ARID3B: variants seen among roughly 807,000 people sequenced by gnomAD.
ARID3B encodes the protein AT-rich interactive domain-containing protein 3B.
Under a neutral mutation model 51.9 loss-of-function variants are expected in ARID3B, and 10 were observed. The observed-to-expected ratio is 0.19, with a 90% CI of 0.12 to 0.33. The LOEUF is 0.33. ARID3B is among the 10% of genes least tolerant of loss of function. The pLI, the probability that ARID3B is intolerant of heterozygous loss-of-function variation, is 1.00. For missense variants in ARID3B, 483 were observed against 716.3 expected (o/e 0.67, Z 3.72); for synonymous variants, 205 against 279.5 (o/e 0.73, Z 2.66).
At chr15:74,594,568 G>C (rs1053887638) in intron 8 of ARID3B, among the ~76,000 whole-genome samples, 1 of 152,238 alleles carries the variant, frequency 6.6e-6, no homozygotes, top group Non-Finnish European at 1.5e-5. Context: ...AAGGTGTCTC[G>C]TGGAGACAGG....
chr15:74,541,597 CG>C (rs986812147), intron 1 of ARID3B, among the ~76,000 whole-genome samples: 3 of 141,910 alleles, frequency 2.1e-5, no homozygotes, highest in African/African-American at 8.0e-5. Context: ...ATAGGTGGGG[CG>C]GGGGCCATCG....
chr15:74,596,366 C>T lies in ARID3B; in HGVS notation c.*592C>T, dbSNP rs1057021194. On this transcript the variant is annotated 3_prime_UTR_variant, in exon 9 of 9. Coordinates refer to ENST00000346246, the MANE Select transcript of ARID3B (RefSeq NM_006465.4). Reference sequence around the variant, plus strand: ...AATCAGTCCTCAGGGCCCCAGATCCCCCTTCTAATAGTCTGAAGGAAGAGG... The same window carrying T: ...AATCAGTCCTCAGGGCCCCAGATCCTCCTTCTAATAGTCTGAAGGAAGAGG... 1 of 233,498 alleles carries T rather than the reference C, an allele frequency of 4.3e-6. No individual in the cohort carries two copies. Among genetic ancestry groups the T allele is most frequent in the Non-Finnish European group, 8.5e-6 (1 of 118,024 alleles). The allele number at this position is 233,498 out of a possible 1,614,324, so 14.5% of individuals were successfully genotyped here. A position where few individuals can be genotyped will look rare whatever the true frequency, so the allele number is the denominator to read the frequency against.
chr15:74,547,922 C>A (rs951601990), intron 2 of ARID3B, among the ~76,000 whole-genome samples: 1 of 152,220 alleles, frequency 6.6e-6, no homozygotes, highest in Non-Finnish European at 1.5e-5. Flanking sequence ...AGAGATTATT[C>A]TTTGCATCTG....
In ARID3B at chr15:74,544,357, C is replaced by A; in HGVS notation, c.421C>A (p.Leu141Ile). ...DPRVAPMSNL[L>I]PAPGLPPHGQ... ...CAGAGTGGCACCCATGTCCAATCTA[C>A]TTCCAGCACCAGGGCTCCCACCACA... is the stretch of plus-strand genomic sequence containing the variant. The change falls in exon 2 of 9, where the codon CTT becomes ATT. Residue 141 changes from leucine (L) to isoleucine (I), a missense_variant. By Grantham distance (5) the Leu-to-Ile change is conservative. Transcript: ENST00000346246. The A allele has an allele frequency of 6.2e-7, 1 of 1,612,756 alleles. No homozygotes were observed. The highest frequency in any genetic ancestry group is 1.7e-4 in the Middle Eastern group (1 of 6,058).
chr15:74,595,494 C>G, intron 8 of ARID3B, 117 bp from the exon 9 acceptor site: 4 of 1,159,710 alleles, frequency 3.4e-6, no homozygotes, highest in Non-Finnish European at 4.8e-6. Context: ...CCCCCTAGCA[C>G]AGTGTCTACA....
intron 4 of ARID3B, among the ~76,000 whole-genome samples, chr15:74,579,888 C>T (rs928333145): frequency 6.6e-6 from 1 of 151,086 alleles, no homozygotes; most frequent in Non-Finnish European, 1.5e-5. Flanking sequence ...CGCGCGCACA[C>T]GCAAAAAATA....
At chr15:74,573,572 G>GAGAAAGGTAAGTGAA in intron 4 of ARID3B, 1 of 254,090 alleles carries the variant, frequency 3.9e-6, no homozygotes, top group South Asian at 5.9e-5. Context: ...TAGTCTCATG[G>GAGAAAGGTAAGTGAA]AGAAAGGTAA....
intron 5 of ARID3B, among the ~76,000 whole-genome samples, chr15:74,590,920 C>A (rs912554843): frequency 3.3e-5 from 5 of 152,216 alleles, no homozygotes; most frequent in African/African-American, 1.2e-4. Flanking sequence ...TTTATTTCCC[C>A]TAATGAATGG....
rs1422964956 is a variant in ARID3B, at chr15:74,589,420, G to A, written c.698-400G>A. Among the ~76,000 whole-genome samples the A allele has an allele frequency of 2.0e-5, 3 of 152,170 alleles. No homozygotes were observed. The East Asian group carries it at 5.8e-4, about 29-fold the overall frequency. ...TAGGAAGTCAGAGAAAGGCATCCCA[G>A]AGGAAGCTGCCGCTGAATGGAGTCT... On this transcript the variant is annotated intron_variant, in intron 4 of 8. Transcript: ENST00000346246.
intron 4 of ARID3B, among the ~76,000 whole-genome samples, chr15:74,584,682 C>G (rs1296703204): frequency 1.3e-5 from 2 of 152,212 alleles, no homozygotes; most frequent in East Asian, 3.8e-4. Flanking sequence ...TCTCTTCTGC[C>G]CTCACCCCTA....
At position 74,597,815 on chromosome 15, in the gene ARID3B, T is replaced by C. The variant is rs917534767; in HGVS notation, c.*2041T>C. ...CTGGCCACACCGTTGGAGTGAACCCTCACTGCCCTCAAGGACAACAGCAGG... is the reference window on the plus strand; with the variant it reads ...CTGGCCACACCGTTGGAGTGAACCCCCACTGCCCTCAAGGACAACAGCAGG... On this transcript the variant is annotated 3_prime_UTR_variant, in exon 9 of 9. Transcript: ENST00000346246. The C allele has an allele frequency of 4.1e-6, 2 of 482,478 alleles. No homozygotes were observed. Among genetic ancestry groups the C allele is most frequent in the Non-Finnish European group, 8.0e-6 (2 of 249,606 alleles). The allele number at this position is 482,478 out of a possible 1,614,324, so 29.9% of individuals were successfully genotyped here.
chr15:74,549,711 C>G, intron 2 of ARID3B, among the ~76,000 whole-genome samples: 1 of 152,202 alleles, frequency 6.6e-6, no homozygotes, highest in South Asian at 2.1e-4. Flanking sequence ...CTTGCATGCC[C>G]TTGCCTTCTG....
intron 4 of ARID3B, among the ~76,000 whole-genome samples, chr15:74,585,404 A>G (rs2141475706): frequency 6.6e-6 from 1 of 152,328 alleles, no homozygotes; most frequent in Admixed American, 6.5e-5. Context: ...CGTGAACTTC[A>G]CAAATCTGGC....
chr15:74,547,007 G>T (rs987080561), intron 2 of ARID3B, among the ~76,000 whole-genome samples: 1 of 151,956 alleles, frequency 6.6e-6, no homozygotes, highest in African/African-American at 2.4e-5. Flanking sequence ...CTTGGGGAGA[G>T]CCTATAGAAA....
intron 2 of ARID3B, among the ~76,000 whole-genome samples, chr15:74,560,088 C>G (rs956077629): frequency 6.9e-6 from 1 of 144,790 alleles, no homozygotes; most frequent in African/African-American, 2.6e-5. Flanking sequence ...ACCTGTAATC[C>G]CAGCTACTCA....
intron 1 of ARID3B, among the ~76,000 whole-genome samples, chr15:74,542,897 CTGAT>C (rs1281909417): frequency 2.0e-5 from 3 of 152,046 alleles, no homozygotes; most frequent in Non-Finnish European, 2.9e-5. Flanking sequence ...TGTTTGGAGA[CTGAT>C]TGGTAAGAAT....
chr15:74,546,442 G>A (rs571699223), intron 2 of ARID3B, among the ~76,000 whole-genome samples: 260 of 152,238 alleles, frequency 1.7e-3, no homozygotes, highest in Non-Finnish European at 3.2e-3. Context: ...GGAACAAGTG[G>A]AGCTCCAGAG....
chr15:74,547,970 T>C (rs2061622123), intron 2 of ARID3B, among the ~76,000 whole-genome samples: 1 of 152,218 alleles, frequency 6.6e-6, no homozygotes, highest in Non-Finnish European at 1.5e-5. Flanking sequence ...CAAAATTATT[T>C]CGTGGATTCT....
At chr15:74,582,307 A>G (rs1220005968) in intron 4 of ARID3B, among the ~76,000 whole-genome samples, 2 of 151,930 alleles carry the variant, frequency 1.3e-5, no homozygotes, top group East Asian at 3.9e-4. Flanking sequence ...AGCTGGGATT[A>G]TAGGCGCCTG....
Sources: gnomAD v4.1 joint callset for allele counts (sites outside exome capture counted in the v4.1 genomes callset) on GRCh38, gnomAD v4.1.1 for gene constraint, MANE v1.5 for transcripts, NCBI Gene and HGNC (gene_info 2026-07-23, HGNC 2026-07-21) for gene names.